Variants in ASAP2 observed in about 807,000 individuals in gnomAD.
ASAP2 encodes arf-GAP with SH3 domain, ANK repeat and PH domain-containing protein 2.
A neutral mutation model predicts 131.4 loss-of-function variants in ASAP2; 45 were observed. The observed-to-expected ratio is 0.34, with a 90% CI of 0.27 to 0.44. ASAP2 has a LOEUF of 0.44. Ranked by LOEUF, ASAP2 falls within the 20% of genes least tolerant of loss-of-function variation. The pLI is 1.00. For synonymous variants in ASAP2, 510 were observed against 503.0 expected (o/e 1.01, Z -0.19); for missense variants, 1,011 against 1,297.0 (o/e 0.78, Z 3.39).
At chr2:9,216,387 A>G (rs1391994224) in intron 1 of ASAP2, among the ~76,000 whole-genome samples, 1 of 150,332 alleles carries the variant, frequency 6.7e-6, no homozygotes, top group East Asian at 1.9e-4. Context: ...CCTGGGCTCA[A>G]GCGATCCTCC....
chr2:9,275,833 A>T (rs1317210571), intron 1 of ASAP2, among the ~76,000 whole-genome samples: 3 of 152,176 alleles, frequency 2.0e-5, no homozygotes, highest in African/African-American at 7.2e-5. Flanking sequence ...GGAAAGCATT[A>T]AAAAAACTAA....
At position 9,232,265 on chromosome 2, in the gene ASAP2, CGA is replaced by C. The variant is rs199614997; in HGVS notation, c.126+25036_126+25037del. Reference sequence around the variant, plus strand: ...TCAACACGCCTCACTGCCCTGCGCCCGATCCTTTTACACAGGTGGTCCCTCTG... The same window carrying C: ...TCAACACGCCTCACTGCCCTGCGCCCTCCTTTTACACAGGTGGTCCCTCTG... On this transcript the variant is annotated intron_variant, in intron 1 of 27. Coordinates refer to ENST00000281419, the MANE Select transcript of ASAP2 (RefSeq NM_003887.3). This position sits in a 1 kb window ranked among gnomAD's most constrained non-coding sequence, Gnocchi z 4.1. Among the ~76,000 whole-genome samples the C allele has an allele frequency of 0.022, 3,308 of 152,286 alleles. 90 individuals carry two copies. Among genetic ancestry groups the C allele is most frequent in the Admixed American group, 0.085 (1,305 of 15,294 alleles).
chr2:9,231,376 C>G (rs958153500), intron 1 of ASAP2, among the ~76,000 whole-genome samples: 14 of 152,196 alleles, frequency 9.2e-5, no homozygotes, highest in African/African-American at 3.1e-4. Context: ...CAGGTCACAT[C>G]TAACTTTAAG....
Position 9,368,434 on chromosome 2 carries a change from A to C in ASAP2, c.1471A>C (p.Asn491His). 1 of 1,614,122 alleles carries C rather than the reference A, an allele frequency of 6.2e-7. No individual in the cohort carries two copies. The highest frequency in any genetic ancestry group is 2.2e-5 in the East Asian group (1 of 44,870). ...LGTSELLLAK[N>H]IGNAGFNEIM... The stretch of plus-strand genomic sequence containing the variant: ...ACTTTCATTTTTGCAGCTCGCCAAG[A>C]ATATTGGGAATGCAGGCTTTAATGA... The change falls in exon 16 of 28, where the codon AAT becomes CAT. Residue 491 changes from asparagine to histidine, a missense_variant. By Grantham distance (68) the Asn-to-His change is moderately conservative. Coordinates refer to ENST00000281419, the MANE Select transcript of ASAP2 (RefSeq NM_003887.3).
chr2:9,376,695 A>G (rs533842165), intron 17 of ASAP2, among the ~76,000 whole-genome samples: 6 of 152,282 alleles, frequency 3.9e-5, no homozygotes, highest in African/African-American at 1.4e-4. Context: ...TTTATTTCCC[A>G]TGGAGTCAGG....
chr2:9,380,576 A>G (rs1268830876), intron 19 of ASAP2, among the ~76,000 whole-genome samples, 165 bp from the exon 20 acceptor site: 1 of 152,230 alleles, frequency 6.6e-6, no homozygotes, highest in Non-Finnish European at 1.5e-5. Flanking sequence ...CTATACAATT[A>G]CAAGATACAT....
chr2:9,355,408 T>G (rs1344095867), intron 12 of ASAP2, among the ~76,000 whole-genome samples: 1 of 152,176 alleles, frequency 6.6e-6, no homozygotes, highest in Non-Finnish European at 1.5e-5. Context: ...AGGTTATATG[T>G]TTTTGGCAAG....
rs139118931 is a variant in ASAP2 at position 9,385,286 on chromosome 2, C to T, written c.2058C>T (p.His686=). ...ALSGRFNSHV[H]VEYEWRLLHE... ...CTGGAAGATTTAATTCTCACGTTCA[C>T]GTTGAATATGAATGGCGACTACTCC... Residue 686 remains histidine (H), a synonymous_variant, in exon 21 of 28, where the codon CAC becomes CAT. Transcript: ENST00000281419. The T allele has an allele frequency of 1.1e-4, 173 of 1,614,006 alleles. No individual in the cohort carries two copies. The highest frequency in any genetic ancestry group is 1.3e-4 in the Non-Finnish European group (152 of 1,179,992).
chr2:9,253,273 C>T (rs1047376928), intron 1 of ASAP2, among the ~76,000 whole-genome samples: 2 of 152,164 alleles, frequency 1.3e-5, no homozygotes, highest in African/African-American at 2.4e-5. Flanking sequence ...AAGCGATTCT[C>T]GTGCGTCAGC....
intron 11 of ASAP2, among the ~76,000 whole-genome samples, chr2:9,348,165 G>A (rs553038204): frequency 3.3e-5 from 5 of 152,160 alleles, no homozygotes; most frequent in African/African-American, 9.6e-5. Flanking sequence ...ACGGAGTCTC[G>A]CTGTGTTGCC....
intron 1 of ASAP2, among the ~76,000 whole-genome samples, chr2:9,211,674 A>G (rs559961193): frequency 6.6e-6 from 1 of 152,284 alleles, no homozygotes; most frequent in East Asian, 1.9e-4. Context: ...ACAGGGTTCT[A>G]ACTGCAGGGG....
At chr2:9,402,965 G>A (rs1676869372) in intron 27 of ASAP2, among the ~76,000 whole-genome samples, 1 of 152,194 alleles carries the variant, frequency 6.6e-6, no homozygotes, top group South Asian at 2.1e-4. Flanking sequence ...TGGTCAGACA[G>A]CTGACCTGTG....
intron 1 of ASAP2, among the ~76,000 whole-genome samples, chr2:9,230,871 AT>A (rs1195321998): frequency 6.6e-6 from 1 of 152,130 alleles, no homozygotes; most frequent in Non-Finnish European, 1.5e-5. Context: ...AAGCCCAGAG[AT>A]GGGGTCTGCC....
intron 1 of ASAP2, among the ~76,000 whole-genome samples, chr2:9,244,144 A>C (rs1664173662): frequency 6.6e-6 from 1 of 152,022 alleles, no homozygotes; most frequent in Non-Finnish European, 1.5e-5. Context: ...TACCAAAAAA[A>C]CCCCACAAAA....
chr2:9,366,195 C>T (rs2148681792), intron 15 of ASAP2, among the ~76,000 whole-genome samples: 1 of 152,178 alleles, frequency 6.6e-6, no homozygotes, highest in Admixed American at 6.5e-5. Flanking sequence ...GCACGTTTCT[C>T]TAGCATTGGA....
intron 2 of ASAP2, among the ~76,000 whole-genome samples, chr2:9,296,640 T>C (rs561773484): frequency 1.3e-5 from 2 of 152,352 alleles, no homozygotes; most frequent in Admixed American, 6.5e-5. Context: ...ATCCGATGTA[T>C]GGGGAACACA....
intron 1 of ASAP2, among the ~76,000 whole-genome samples, chr2:9,244,704 A>G (rs1217589970): frequency 6.6e-6 from 1 of 152,196 alleles, no homozygotes; most frequent in Non-Finnish European, 1.5e-5. Context: ...TGCCAGTGAC[A>G]CTTAGGGACT....
In ASAP2 at chr2:9,252,914, CA is replaced by C. The variant is rs35078846; in HGVS notation, c.127-26386del. Among the ~76,000 whole-genome samples, 385 of 108,438 alleles carry C rather than the reference CA, an allele frequency of 3.6e-3. 3 individuals carry two copies. The highest frequency in any genetic ancestry group is 4.6e-3 in the Non-Finnish European group (245 of 53,104). The allele number at this position is 108,438 out of a possible 152,430, so 71.1% of individuals were successfully genotyped here. A position where few individuals can be genotyped will look rare whatever the true frequency, so the allele number is the denominator to read the frequency against. On this transcript the variant is annotated intron_variant, in intron 1 of 27. Coordinates refer to ENST00000281419, the MANE Select transcript of ASAP2 (RefSeq NM_003887.3). ...CTCGCGACAAAGCGAGACTCCGTCT[CA>C]AAAAAAAAAAAAAAAAGAATTTAGG...
At chr2:9,274,515 GT>G (rs1666621588) in intron 1 of ASAP2, among the ~76,000 whole-genome samples, 1 of 151,906 alleles carries the variant, frequency 6.6e-6, no homozygotes, top group African/African-American at 2.4e-5. Context: ...TAGAATCGGA[GT>G]TTTACCATGT....
Sources: gnomAD v4.1 joint callset for allele counts (sites outside exome capture counted in the v4.1 genomes callset) on GRCh38, gnomAD v4.1.1 for gene constraint, Gnocchi (gnomAD v3.1) non-coding constraint, MANE v1.5 for transcripts, NCBI Gene and HGNC (gene_info 2026-07-23, HGNC 2026-07-21) for gene names.